The following HSD17B12 variants were observed in gnomAD, a reference collection of about 807,000 sequenced individuals.
The protein encoded by HSD17B12 is hydroxysteroid 17-beta dehydrogenase 12.
Under a neutral mutation model 39.3 loss-of-function variants are expected in HSD17B12, and 32 were observed. That is an observed-to-expected ratio of 0.81 (90% CI 0.61 to 1.09). HSD17B12 has a LOEUF of 1.09. Ranked by LOEUF, HSD17B12 falls within the 50% of genes least tolerant of loss-of-function variation. HSD17B12 has a pLI of 0.00. For missense variants in HSD17B12, 342 were observed against 382.9 expected (o/e 0.89, Z 0.89); for synonymous variants, 150 against 146.7 (o/e 1.02, Z -0.16).
the HSD17B12 span, among the ~76,000 whole-genome samples, chr11:43,577,840 A>C: frequency 6.6e-6 from 1 of 152,172 alleles, no homozygotes; most frequent in Non-Finnish European, 1.5e-5. Flanking sequence ...AAGGAGTCTA[A>C]ATCAGCCTGA....
chr11:43,556,975 T>G, the HSD17B12 span: 1 of 152,004 alleles, frequency 6.6e-6, no homozygotes, highest in African/African-American at 2.4e-5. Context: ...GGTTATACCA[T>G]GCACTGTCTT....
chr11:43,789,945 T>TC (rs570342706), intron 3 of HSD17B12, among the ~76,000 whole-genome samples: 123 of 151,290 alleles, frequency 8.1e-4, no homozygotes, highest in South Asian at 3.8e-3. Context: ...GCCCACTGCC[T>TC]CCCCCCCGCA....
the HSD17B12 span, among the ~76,000 whole-genome samples, chr11:43,570,675 C>T: frequency 6.6e-6 from 1 of 152,168 alleles, no homozygotes; most frequent in Non-Finnish European, 1.5e-5. Flanking sequence ...TAATTTAGAC[C>T]TCTATAAAAC....
At chr11:43,571,215 T>TAAAC in the HSD17B12 span, among the ~76,000 whole-genome samples, 1 of 152,222 alleles carries the variant, frequency 6.6e-6, no homozygotes, top group Admixed American at 6.5e-5. Flanking sequence ...TTCAGGTAGA[T>TAAAC]AAACAACTGT....
the HSD17B12 span, among the ~76,000 whole-genome samples, chr11:43,619,844 C>A: frequency 6.6e-6 from 1 of 152,154 alleles, no homozygotes; most frequent in Non-Finnish European, 1.5e-5. Context: ...GAGTTACTAC[C>A]GAAGCTCATC....
intron 4 of HSD17B12, among the ~76,000 whole-genome samples, chr11:43,808,667 T>C (rs1951041660): frequency 6.6e-6 from 1 of 152,234 alleles, no homozygotes; most frequent in Non-Finnish European, 1.5e-5. Flanking sequence ...GAAGATCACA[T>C]AGCAATTTAT....
At chr11:43,835,297 A>T (rs1951358479) in intron 7 of HSD17B12, among the ~76,000 whole-genome samples, 1 of 152,046 alleles carries the variant, frequency 6.6e-6, no homozygotes, top group African/African-American at 2.4e-5. Context: ...TTCTGCTTAG[A>T]TGGAGGATTA....
chr11:43,832,481 A>AT, intron 7 of HSD17B12, among the ~76,000 whole-genome samples: 1 of 152,336 alleles, frequency 6.6e-6, no homozygotes, highest in Middle Eastern at 3.4e-3. Context: ...CATTAAATTA[A>AT]TTGACAGTAA....
In HSD17B12 at chr11:43,750,950, C is replaced by G; in HGVS notation, c.200C>G (p.Ala67Gly). ...GSTDGIGKSY[A>G]EELAKHGMKV... ...ACTGATGGAATTGGAAAATCATATG[C>G]AGAAGAGGTAGGTGATTTTCAAGAT... The change falls in exon 2 of 11, where the codon GCA becomes GGA. Residue 67 changes from alanine (A) to glycine (G), a missense_variant. Physicochemically the swap from Ala to Gly is moderately conservative, Grantham distance 60. Transcript: ENST00000278353. 6.3e-7 allele frequency: 1 copy of G among 1,594,506 alleles called. No homozygotes were observed. Among genetic ancestry groups the G allele is most frequent in the Non-Finnish European group, 8.6e-7 (1 of 1,166,438 alleles).
At chr11:43,842,728 T>C (rs2176598) in intron 9 of HSD17B12, among the ~76,000 whole-genome samples, 107,553 of 152,092 alleles carry the variant, frequency 0.71, 38,439 homozygotes, top group East Asian at 0.87. Context: ...TAATTGTAAT[T>C]ACACTATTAA....
At chr11:43,606,279 G>A in the HSD17B12 span, among the ~76,000 whole-genome samples, 12 of 152,304 alleles carry the variant, frequency 7.9e-5, no homozygotes, top group South Asian at 2.1e-3. Context: ...AGATATGGGG[G>A]CAATTCACCT....
intron 3 of HSD17B12, among the ~76,000 whole-genome samples, chr11:43,782,173 T>C (rs1950772187): frequency 6.6e-6 from 1 of 152,214 alleles, no homozygotes; most frequent in Admixed American, 6.5e-5. Context: ...TTAGACCCTT[T>C]ATCCACCAAG....
chr11:43,768,761 A>G (rs1950621544), intron 3 of HSD17B12, among the ~76,000 whole-genome samples: 1 of 152,178 alleles, frequency 6.6e-6, no homozygotes, highest in Non-Finnish European at 1.5e-5. Flanking sequence ...AGGAGACCAG[A>G]GCGGGTTGCC....
the HSD17B12 span, among the ~76,000 whole-genome samples, chr11:43,630,406 G>T: frequency 6.6e-6 from 1 of 152,168 alleles, no homozygotes; most frequent in Non-Finnish European, 1.5e-5. Context: ...GCGGGGATTT[G>T]TAGGGTGCCC....
the HSD17B12 span, among the ~76,000 whole-genome samples, chr11:43,585,924 C>T: frequency 0.011 from 1,710 of 152,200 alleles, 27 homozygotes; most frequent in African/African-American, 0.026. Flanking sequence ...ATAGACTAAA[C>T]CTCAAATTTA....
At chr11:43,619,262 T>C in the HSD17B12 span, among the ~76,000 whole-genome samples, 1 of 117,138 alleles carries the variant, frequency 8.5e-6, no homozygotes, top group Non-Finnish European at 1.7e-5. Context: ...ATATATATTT[T>C]ATATATATAT....
chr11:43,696,798 G>A (rs912108299), intron 1 of HSD17B12, among the ~76,000 whole-genome samples: 1 of 152,096 alleles, frequency 6.6e-6, no homozygotes, highest in Admixed American at 6.6e-5. Context: ...TAAAGAAAAT[G>A]TGGTACATAC....
intron 4 of HSD17B12, among the ~76,000 whole-genome samples, chr11:43,799,914 A>G (rs1453320959): frequency 6.6e-6 from 1 of 152,132 alleles, no homozygotes; most frequent in Non-Finnish European, 1.5e-5. Flanking sequence ...ACACATCACC[A>G]TGCCCCATAT....
intron 1 of HSD17B12, among the ~76,000 whole-genome samples, chr11:43,709,651 T>A (rs1173552246): frequency 3.9e-5 from 6 of 152,232 alleles, no homozygotes; most frequent in Non-Finnish European, 5.9e-5. Flanking sequence ...TGATAACTTT[T>A]AATTTTTTAA....
Sources: allele counts gnomAD v4.1 joint callset (sites outside exome capture counted in the v4.1 genomes callset), GRCh38; gene constraint gnomAD v4.1.1; transcripts MANE v1.5; gene names NCBI Gene and HGNC (gene_info 2026-07-23, HGNC 2026-07-21).